Variants in PDE7A observed in about 807,000 individuals in gnomAD.
The protein encoded by PDE7A is high affinity 3',5'-cyclic-AMP phosphodiesterase 7A.
In PDE7A, 39 loss-of-function variants were observed where a neutral mutation model predicts 64.3. The observed-to-expected ratio is 0.61, with a 90% CI of 0.47 to 0.79. PDE7A has a LOEUF of 0.79. Among genes scored for constraint, PDE7A ranks in the 30% least tolerant of loss-of-function variants. The pLI, the probability that PDE7A is intolerant of heterozygous loss-of-function variation, is 0.00. For missense variants in PDE7A, 470 were observed against 582.8 expected (o/e 0.81, Z 1.99); for synonymous variants, 203 against 206.8 (o/e 0.98, Z 0.16).
At chr8:65,814,307 C>T (rs1476440386) in intron 1 of PDE7A, among the ~76,000 whole-genome samples, 1 of 151,240 alleles carries the variant, frequency 6.6e-6, no homozygotes, top group East Asian at 1.9e-4. Flanking sequence ...GTCAGGAGAT[C>T]GAGACCATCC....
At chr8:65,826,253 T>C (rs1209177519) in intron 1 of PDE7A, among the ~76,000 whole-genome samples, 1 of 152,200 alleles carries the variant, frequency 6.6e-6, no homozygotes, top group Admixed American at 6.5e-5. Flanking sequence ...ACTGACACAA[T>C]CTTACTGCAT....
At chr8:65,723,327 G>A (rs1806468402) in intron 12 of PDE7A, 2 of 327,270 alleles carry the variant, frequency 6.1e-6, no homozygotes, top group Non-Finnish European at 1.1e-5. Context: ...AGTTATTGCT[G>A]CTGCCTGTTC....
At chr8:65,790,598 C>CTAG in intron 1 of PDE7A, among the ~76,000 whole-genome samples, 1 of 152,292 alleles carries the variant, frequency 6.6e-6, no homozygotes, top group African/African-American at 2.4e-5. Flanking sequence ...GAAGTCAGTT[C>CTAG]TAGGCTTGTC....
chr8:65,762,711 T>C (rs1029242323), intron 3 of PDE7A, among the ~76,000 whole-genome samples: 5 of 152,144 alleles, frequency 3.3e-5, no homozygotes, highest in Non-Finnish European at 7.3e-5. Context: ...AAATATGTCA[T>C]ACCATTTTTT....
At chr8:65,770,121 C>CTG (rs10608556) in intron 3 of PDE7A, among the ~76,000 whole-genome samples, 9,218 of 146,406 alleles carry the variant, frequency 0.063, 323 homozygotes, top group African/African-American at 0.075. Flanking sequence ...CAGTATACTT[C>CTG]TGTGTGTGTG....
Position 65,841,541 on chromosome 8 carries a change from CG to C in PDE7A, c.-34del. Reference sequence around the variant, plus strand: ...GCCCGCCCTGCCTCCGCGCGGCGCCCGCCCTGCCGCGGCCGCCGGCCCCTGC... The same window carrying C: ...GCCCGCCCTGCCTCCGCGCGGCGCCCCCCTGCCGCGGCCGCCGGCCCCTGC... On this transcript the variant is annotated 5_prime_UTR_variant, in exon 1 of 13. Transcript: ENST00000401827. 9.4e-6 allele frequency: 13 copies of C among 1,387,410 alleles called. No individual in the cohort carries two copies. The highest frequency in any genetic ancestry group is 1.7e-5 in the South Asian group (1 of 58,846). 85.9% of individuals were successfully genotyped at this position (1,387,410 alleles called of 1,614,324 possible). A position where few individuals can be genotyped will look rare whatever the true frequency, so the allele number is the denominator to read the frequency against.
intron 6 of PDE7A, 47 bp downstream of exon 6, chr8:65,739,455 T>G: frequency 6.6e-7 from 1 of 1,504,082 alleles, no homozygotes; most frequent in East Asian, 2.5e-5. Context: ...AACAGGTTCT[T>G]GTATAAATGT....
chr8:65,739,627 T>C (rs1245153730), intron 5 of PDE7A, 30 bp from the exon 6 acceptor site: 2 of 1,470,142 alleles, frequency 1.4e-6, no homozygotes, highest in South Asian at 1.5e-5. Context: ...ATTACATTAG[T>C]AGGAAATACA....
intron 5 of PDE7A, among the ~76,000 whole-genome samples, chr8:65,741,268 A>C (rs1807419371): frequency 6.6e-6 from 1 of 152,226 alleles, no homozygotes; most frequent in Non-Finnish European, 1.5e-5. Flanking sequence ...GCCAACATTC[A>C]GATAATGCAA....
chr8:65,811,667 C>A (rs1305519519), intron 1 of PDE7A, among the ~76,000 whole-genome samples: 1 of 152,194 alleles, frequency 6.6e-6, no homozygotes, highest in African/African-American at 2.4e-5. Context: ...CTCACATGGT[C>A]TAATAATGCC....
intron 1 of PDE7A, chr8:65,789,167 G>T: frequency 1.3e-6 from 1 of 780,642 alleles, no homozygotes; most frequent in Non-Finnish European, 1.8e-6. Context: ...ACAACCGCAG[G>T]GTTGGGGTAG....
intron 1 of PDE7A, among the ~76,000 whole-genome samples, chr8:65,835,908 T>G: frequency 6.6e-6 from 1 of 152,148 alleles, no homozygotes; most frequent in East Asian, 1.9e-4. Context: ...AGAACTACAC[T>G]CCCACTCCAA....
intron 2 of PDE7A, among the ~76,000 whole-genome samples, chr8:65,782,159 A>G (rs1809436785): frequency 6.6e-6 from 1 of 152,232 alleles, no homozygotes; most frequent in East Asian, 1.9e-4. Flanking sequence ...AAAATGAATA[A>G]ATTTGCCTGT....
intron 1 of PDE7A, among the ~76,000 whole-genome samples, chr8:65,818,417 A>G (rs2128931613): frequency 6.6e-6 from 1 of 152,322 alleles, no homozygotes; most frequent in Non-Finnish European, 1.5e-5. Flanking sequence ...GTTGTACACA[A>G]TCACTGATAT....
chr8:65,743,623 G>A (rs1807538981), intron 5 of PDE7A, among the ~76,000 whole-genome samples: 2 of 152,154 alleles, frequency 1.3e-5, no homozygotes, highest in Admixed American at 1.3e-4. Flanking sequence ...GAATAATGGA[G>A]TGATACTAAA....
At chr8:65,735,001 C>A in intron 6 of PDE7A, 107 bp from the exon 7 acceptor site, 2 of 715,618 alleles carry the variant, frequency 2.8e-6, no homozygotes, top group Non-Finnish European at 5.0e-6. Flanking sequence ...ATGTAGCTAT[C>A]GGCTAAAATC....
At chr8:65,807,933 T>C (rs898087581) in intron 1 of PDE7A, among the ~76,000 whole-genome samples, 1 of 152,194 alleles carries the variant, frequency 6.6e-6, no homozygotes, top group Non-Finnish European at 1.5e-5. Context: ...TCTTATTGTA[T>C]ACAAGAATTT....
rs1470594202 is a variant in PDE7A at position 65,779,789 on chromosome 8, T to G, written c.214A>C (p.Arg72=). 6.3e-7 allele frequency: 1 copy of G among 1,594,390 alleles called. No individual in the cohort carries two copies. ...YIRMLGDVRV[R]SRAGFESERR... is the part of the protein sequence containing the mutation. ...TCTGATTCAAATCCTGCTCGGCTCCTTACACGTACATCTCCTGGACAGAAT... is the reference window on the plus strand; with the variant it reads ...TCTGATTCAAATCCTGCTCGGCTCCGTACACGTACATCTCCTGGACAGAAT... Residue 72 remains arginine, a synonymous_variant, in exon 3 of 13, where the codon AGG becomes CGG. Coordinates refer to ENST00000401827, the MANE Select transcript of PDE7A (RefSeq NM_001242318.3).
At position 65,723,619 on chromosome 8, in the gene PDE7A, C is replaced by G; in HGVS notation, c.1165G>C (p.Asp389His). The part of the protein sequence containing the change: ...KVTEEFFHQG[D>H]IEKKYHLGVS... Reference sequence around the variant, plus strand: ...CCCAAATGATATTTTTTTTCTATATCTCCTATAAATTAAAAAAAGAGAAGT... The same window carrying G: ...CCCAAATGATATTTTTTTTCTATATGTCCTATAAATTAAAAAAAGAGAAGT... The change falls in exon 12 of 13, where the codon GAT (aspartate) becomes CAT (histidine). Residue 389 changes from aspartate (D) to histidine (H), a missense_variant and splice_region_variant. By Grantham distance (81) the Asp-to-His change is moderately conservative. Transcript: ENST00000401827. 6.5e-7 allele frequency: 1 copy of G among 1,549,234 alleles called. No individual in the cohort carries two copies. Among genetic ancestry groups the G allele is most frequent in the Non-Finnish European group, 8.7e-7 (1 of 1,150,982 alleles).
Sources: allele counts gnomAD v4.1 joint callset (sites outside exome capture counted in the v4.1 genomes callset), GRCh38; gene constraint gnomAD v4.1.1; transcripts MANE v1.5; gene names NCBI Gene and HGNC (gene_info 2026-07-23, HGNC 2026-07-21).